The following ATP2B3 variants were observed in gnomAD, a reference collection of about 807,000 sequenced individuals.
The protein encoded by ATP2B3 is ATPase plasma membrane Ca2+ transporting 3, also known as plasma membrane calcium-transporting ATPase 3.
In ATP2B3, 12 loss-of-function variants were observed where a neutral mutation model predicts 70.8. That is an observed-to-expected ratio of 0.17 (90% CI 0.11 to 0.27). ATP2B3 has a LOEUF of 0.27. Ranked by LOEUF, ATP2B3 falls within the 10% of genes least tolerant of loss-of-function variation. The pLI is 1.00. For missense variants in ATP2B3, 858 were observed against 1,118.5 expected (o/e 0.77, Z 3.32); for synonymous variants, 460 against 497.8 (o/e 0.92, Z 1.01).
intron 12 of ATP2B3, among the ~76,000 whole-genome samples, chrX:153,552,800 C>T (rs2090477311): frequency 8.9e-6 from 1 of 112,580 alleles, no homozygotes; most frequent in Non-Finnish European, 1.9e-5. Context: ...ATCCTGCATC[C>T]TCCAGCTTCT....
At chrX:153,529,328 G>C (rs1158672953) in intron 2 of ATP2B3, among the ~76,000 whole-genome samples, 4 of 112,065 alleles carry the variant, frequency 3.6e-5, no homozygotes, top group African/African-American at 1.3e-4. Context: ...GGTGGGGGTA[G>C]GGTGTGTGGG....
At chrX:153,549,317 G>A (rs1484746159) in intron 10 of ATP2B3, among the ~76,000 whole-genome samples, 180 bp from the exon 11 acceptor site, 1 of 111,227 alleles carries the variant, frequency 9.0e-6, no homozygotes, top group African/African-American at 3.3e-5. Flanking sequence ...CATTGGATGA[G>A]GTTGCTGATG....
chrX:153,537,340 C>T (rs1356100614), intron 3 of ATP2B3, among the ~76,000 whole-genome samples: 1 of 113,437 alleles, frequency 8.8e-6, no homozygotes, highest in African/African-American at 3.2e-5. Flanking sequence ...CCAGCCAGTG[C>T]GGGCTGATTT....
rs781825014 is a variant in ATP2B3, at chrX:153,556,312, T to G, written c.2239-19T>G. The G allele has an allele frequency of 5.0e-6, 6 of 1,206,354 alleles. No individual in the cohort carries two copies. The South Asian group carries it at 1.1e-4, about 22-fold the overall frequency. ...TGCCCGCCTTAGCTCTGCAGCGTCCTTGTGCTTCCCCTCCCCAGATAGAAC... is the reference window on the plus strand; with the variant it reads ...TGCCCGCCTTAGCTCTGCAGCGTCCGTGTGCTTCCCCTCCCCAGATAGAAC... On this transcript the variant is annotated intron_variant, in intron 14 of 21. Coordinates refer to ENST00000263519, the MANE Select transcript of ATP2B3 (RefSeq NM_001001344.3).
intron 7 of ATP2B3, among the ~76,000 whole-genome samples, chrX:153,544,311 G>A (rs781912082): frequency 1.8e-3 from 205 of 112,619 alleles, no homozygotes; most frequent in Non-Finnish European, 2.7e-3. Flanking sequence ...CTCTCCCATC[G>A]TCCACGGGAA....
intron 2 of ATP2B3, among the ~76,000 whole-genome samples, chrX:153,534,143 C>T (rs1359616671): frequency 1.8e-5 from 2 of 111,077 alleles, no homozygotes; most frequent in South Asian, 7.7e-4. Context: ...CTCAGGAAGG[C>T]AGGGAGAAGG....
chrX:153,539,748 G>A (rs1186049412), intron 3 of ATP2B3, among the ~76,000 whole-genome samples: 1 of 113,139 alleles, frequency 8.8e-6, no homozygotes, highest in East Asian at 2.8e-4. Context: ...GGGATCAGCC[G>A]GGGCTGAGAA....
intron 17 of ATP2B3, 103 bp downstream of exon 17, chrX:153,558,406 T>C (rs2090575050): frequency 2.4e-6 from 2 of 848,781 alleles, no homozygotes; most frequent in Admixed American, 3.6e-5. Flanking sequence ...GCAGATTATT[T>C]TAATTGAGAT....
intron 20 of ATP2B3, among the ~76,000 whole-genome samples, chrX:153,562,588 G>A (rs1222237727): frequency 8.9e-6 from 1 of 111,732 alleles, no homozygotes; most frequent in Non-Finnish European, 1.9e-5. Context: ...ATAATCCATG[G>A]GGCGAAAAGA....
chrX:153,569,699 C>A (rs2090760455), intron 21 of ATP2B3: 1 of 1,211,566 alleles, frequency 8.3e-7, no homozygotes, highest in Non-Finnish European at 1.1e-6. Flanking sequence ...CGTAACCAAT[C>A]TTTCTACCCC....
rs1557023366 is a variant in ATP2B3 at position 153,582,269 on chromosome X, C to G, written c.*1971C>G. ...GAAAAGAAAATCCCACTTTAAAATG[C>G]CAGCTGCAGATAACTCAAAGCCATC... On this transcript the variant is annotated 3_prime_UTR_variant, in exon 22 of 22. Coordinates refer to ENST00000263519, the MANE Select transcript of ATP2B3 (RefSeq NM_001001344.3). 8.9e-6 allele frequency: 1 copy of G among 112,958 alleles called. No individual in the cohort carries two copies. The highest frequency in any genetic ancestry group is 1.9e-5 in the Non-Finnish European group (1 of 53,343). 9.3% of individuals were successfully genotyped at this position (112,958 alleles called of 1,213,427 possible).
At chrX:153,540,098 G>A (rs994671570) in intron 3 of ATP2B3, among the ~76,000 whole-genome samples, 4 of 112,269 alleles carry the variant, frequency 3.6e-5, no homozygotes, top group Non-Finnish European at 7.5e-5. Context: ...GGGTCCTGAG[G>A]GCCCTGTGCT....
chrX:153,536,318 C>A lies in ATP2B3; in HGVS notation c.71C>A (p.Ala24Asp). 8.3e-7 allele frequency: 1 copy of A among 1,199,557 alleles called. No homozygotes were observed. Among genetic ancestry groups the A allele is most frequent in the Non-Finnish European group, 1.1e-6 (1 of 889,382 alleles). The change falls in exon 3 of 22, where the codon GCT (alanine) becomes GAT (aspartate). Residue 24 changes from alanine to aspartate, a missense_variant. Around this residue, in one of 5 missense-constraint regions of ATP2B3, gnomAD observed 278 missense variants for 366.2 expected, o/e 0.76. Coordinates refer to ENST00000263519, the MANE Select transcript of ATP2B3 (RefSeq NM_001001344.3). ...CAGCAGCAGCGGGATGTCCCCCAGG[C>A]TGGAGGCTTTGGGTGCACGCTGGCG... ...KPQQQRDVPQ[A>D]GGFGCTLAEL...
chrX:153,555,336 C>T (rs1447043326), intron 13 of ATP2B3, among the ~76,000 whole-genome samples: 2 of 111,258 alleles, frequency 1.8e-5, no homozygotes, highest in Non-Finnish European at 3.8e-5. Context: ...TCCCCACCGC[C>T]GCAGGCTCCC....
intron 2 of ATP2B3, among the ~76,000 whole-genome samples, chrX:153,524,254 G>A (rs1482582473): frequency 9.0e-6 from 1 of 110,919 alleles, no homozygotes; most frequent in Non-Finnish European, 1.9e-5. Context: ...GTGTGTGTGT[G>A]TGTGTATTGG....
intron 17 of ATP2B3, among the ~76,000 whole-genome samples, chrX:153,559,090 T>A (rs2090585884): frequency 8.9e-6 from 1 of 112,079 alleles, no homozygotes; most frequent in Non-Finnish European, 1.9e-5. Flanking sequence ...CATTTTAACC[T>A]TTTGAAAGTA....
chrX:153,577,933 T>A (rs2090877269), intron 21 of ATP2B3, among the ~76,000 whole-genome samples: 1 of 111,880 alleles, frequency 8.9e-6, no homozygotes. Context: ...GCTCACTTTT[T>A]GCACTGGAGA....
At chrX:153,543,218 C>T (rs961022304) in intron 7 of ATP2B3, 50 bp downstream of exon 7, 2 of 1,168,683 alleles carry the variant, frequency 1.7e-6, no homozygotes, top group Non-Finnish European at 2.3e-6. Context: ...GCTCCTTCCA[C>T]GCTGCCCATT....
intron 12 of ATP2B3, among the ~76,000 whole-genome samples, chrX:153,551,918 G>A (rs1557011672): frequency 8.9e-6 from 1 of 112,365 alleles, no homozygotes; most frequent in African/African-American, 3.2e-5. Context: ...CTCAGGGCAA[G>A]GTCCTCTGCA....
Sources: gnomAD v4.1 joint callset for allele counts (sites outside exome capture counted in the v4.1 genomes callset) on GRCh38, gnomAD v4.1.1 for gene constraint, gnomAD v4.1.1 regional missense constraint, MANE v1.5 for transcripts, NCBI Gene and HGNC (gene_info 2026-07-23, HGNC 2026-07-21) for gene names.